VPS13B: variants seen among roughly 807,000 people sequenced by gnomAD.
The protein encoded by VPS13B is intermembrane lipid transfer protein VPS13B.
Under a neutral mutation model 426.4 loss-of-function variants are expected in VPS13B, and 285 were observed. The observed-to-expected ratio is 0.67, with a 90% confidence interval of 0.61 to 0.74. The LOEUF (loss-of-function observed/expected upper bound fraction) is 0.74, where lower values mean the gene tolerates loss of function less well. VPS13B is among the 30% of genes least tolerant of loss of function. VPS13B has a pLI of 0.00. For synonymous variants in VPS13B, 1,676 were observed against 1,676.4 expected, an observed-to-expected ratio of 1.00 and a Z score of 0.01; for missense variants, 4,537 against 4,782.6, an observed-to-expected ratio of 0.95 and a Z score of 1.51.
At chr8:99,553,076 G>C (rs11992778) in intron 30 of VPS13B, among the ~76,000 whole-genome samples, 3 of 152,120 alleles carry the variant, frequency 2.0e-5, no homozygotes, top group African/African-American at 7.2e-5. Flanking sequence ...CATCATTTGC[G>C]TGAGCCCTGA....
At chr8:99,086,943 C>A (rs1258517668) in intron 3 of VPS13B, among the ~76,000 whole-genome samples, 1 of 152,182 alleles carries the variant, frequency 6.6e-6, no homozygotes, top group Non-Finnish European at 1.5e-5. Flanking sequence ...GTTCTCAGAT[C>A]TGCAGCTGTG....
chr8:99,544,599 A>G lies in VPS13B; in HGVS notation c.4746-11851A>G, dbSNP rs183032842. ...ATTTAATATATTGATTGAATTGTGG[A>G]AAGAATTCTACCTACCGCTTTTTGC... On this transcript the variant is annotated intron_variant, in intron 30 of 61. Coordinates refer to ENST00000357162, the MANE Select transcript of VPS13B (RefSeq NM_152564.5). 6.2e-3 allele frequency among the ~76,000 whole-genome samples: 951 copies of G among 152,296 alleles called. 8 individuals are homozygous for G. Among genetic ancestry groups the G allele is most frequent in the African/African-American group, 0.021 (893 of 41,568 alleles).
intron 16 of VPS13B, 76 bp downstream of exon 16, chr8:99,170,239 G>A: frequency 6.5e-7 from 1 of 1,534,528 alleles, no homozygotes; most frequent in Admixed American, 1.8e-5. Flanking sequence ...AAATGTATCT[G>A]TCTTATGCCC....
In VPS13B at chr8:99,737,103, CTTCTTT is replaced by C. The variant is rs1171465505; in HGVS notation, c.7050+16059_7050+16064del. On this transcript the variant is annotated intron_variant, in intron 39 of 61. Coordinates refer to ENST00000357162, the MANE Select transcript of VPS13B (RefSeq NM_152564.5). ...TTTCAGGAAAGCCTTTGAAGATGTCCTTCTTTTTTTTTTTTTTTTTTTTTTTTTTTT... is the reference window on the plus strand; with the variant it reads ...TTTCAGGAAAGCCTTTGAAGATGTCCTTTTTTTTTTTTTTTTTTTTTTTTT... 4.7e-3 allele frequency among the ~76,000 whole-genome samples: 238 copies of C among 50,658 alleles called. 1 individual carries two copies. Among genetic ancestry groups the C allele is most frequent in the African/African-American group, 0.02 (227 of 11,612 alleles). 33.2% of individuals were successfully genotyped at this position (50,658 alleles called of 152,430 possible). A position where few individuals can be genotyped will look rare whatever the true frequency, so the allele number is the denominator to read the frequency against.
At chr8:99,771,481 G>A (rs1811486235) in intron 40 of VPS13B, among the ~76,000 whole-genome samples, 1 of 152,064 alleles carries the variant, frequency 6.6e-6, no homozygotes, top group Non-Finnish European at 1.5e-5. Context: ...ACTCCCTTAA[G>A]GTCTCATAAA....
intron 33 of VPS13B, among the ~76,000 whole-genome samples, chr8:99,624,007 A>ATATTTTTTTT (rs1206203704): frequency 9.9e-6 from 1 of 101,102 alleles, no homozygotes; most frequent in African/African-American, 4.4e-5. Flanking sequence ...ATATATATAT[A>ATATTTTTTTT]TTTTTTTTTT....
At chr8:99,440,240 G>C (rs577500235) in intron 22 of VPS13B, among the ~76,000 whole-genome samples, 1 of 152,198 alleles carries the variant, frequency 6.6e-6, no homozygotes, top group East Asian at 1.9e-4. Flanking sequence ...TCATGAATAG[G>C]ATATTTTTTT....
chr8:99,871,361 G>A (rs1158640026), intron 60 of VPS13B, 87 bp from the exon 61 acceptor site: 5 of 1,602,590 alleles, frequency 3.1e-6, no homozygotes, highest in African/African-American at 1.3e-5. Context: ...CCCTTGTGGA[G>A]GTTGCCCCAT....
At chr8:99,416,931 C>G (rs1448070826) in intron 21 of VPS13B, among the ~76,000 whole-genome samples, 1 of 152,148 alleles carries the variant, frequency 6.6e-6, no homozygotes, top group Non-Finnish European at 1.5e-5. Flanking sequence ...AAATGATAAT[C>G]ATAGTATTTA....
intron 3 of VPS13B, among the ~76,000 whole-genome samples, chr8:99,068,734 T>TAA (rs1460766868): frequency 1.3e-5 from 2 of 152,130 alleles, no homozygotes; most frequent in African/African-American, 4.8e-5. Context: ...TGCCACACTT[T>TAA]AAAGGCCATT....
chr8:99,638,825 A>T (rs2133924362), intron 33 of VPS13B, among the ~76,000 whole-genome samples: 1 of 152,304 alleles, frequency 6.6e-6, no homozygotes, highest in East Asian at 1.9e-4. Context: ...TATCGTAACA[A>T]TCATGTAACT....
At chr8:99,382,021 G>C (rs989791300) in intron 19 of VPS13B, among the ~76,000 whole-genome samples, 4 of 151,998 alleles carry the variant, frequency 2.6e-5, no homozygotes, top group African/African-American at 4.8e-5. Flanking sequence ...CTAAGGAAGA[G>C]GTCCAGTTTC....
chr8:99,831,076 C>CTTTTTTTTTTTTTTTTTTTT (rs773817774), intron 51 of VPS13B, among the ~76,000 whole-genome samples: 4 of 120,076 alleles, frequency 3.3e-5, no homozygotes, highest in Non-Finnish European at 5.1e-5. Context: ...GTGTTTTTTT[C>CTTTTTTTTTTTTTTTTTTTT]TTTTTTTTTT....
intron 35 of VPS13B, among the ~76,000 whole-genome samples, chr8:99,674,075 A>G (rs1467087074): frequency 6.6e-6 from 1 of 152,020 alleles, no homozygotes; most frequent in Non-Finnish European, 1.5e-5. Flanking sequence ...TTTTGGATGG[A>G]ACATTCTGTA....
intron 3 of VPS13B, among the ~76,000 whole-genome samples, chr8:99,081,796 A>AT (rs1845479829): frequency 6.6e-6 from 1 of 151,922 alleles, no homozygotes; most frequent in South Asian, 2.1e-4. Context: ...TTAACTCATC[A>AT]TTTTTTATGG....
chr8:99,628,558 A>C (rs1828708251), intron 33 of VPS13B, among the ~76,000 whole-genome samples: 1 of 152,308 alleles, frequency 6.6e-6, no homozygotes, highest in African/African-American at 2.4e-5. Flanking sequence ...AGCAGTGGAC[A>C]AGACTAATTA....
At chr8:99,641,758 A>C in intron 33 of VPS13B, 53 bp from the exon 34 acceptor site, 1 of 1,517,972 alleles carries the variant, frequency 6.6e-7, no homozygotes, top group Non-Finnish European at 9.0e-7. Flanking sequence ...CATTGTTTAT[A>C]TGACACTTGG....
At chr8:99,135,216 T>C in intron 10 of VPS13B, 79 bp downstream of exon 10, 1 of 1,565,974 alleles carries the variant, frequency 6.4e-7, no homozygotes, top group African/African-American at 1.4e-5. Flanking sequence ...AACCATATAA[T>C]ATCTGTTAGA....
chr8:99,817,575 C>G lies in VPS13B; in HGVS notation c.8133C>G (p.Tyr2711Ter), dbSNP rs373542052. Residue 2711 changes from tyrosine (Y) to a stop codon, truncating the protein, a stop_gained, in exon 45 of 62, where the codon TAC (tyrosine) becomes TAG (stop). Transcript: ENST00000357162. LOFTEE classifies it high-confidence loss of function. ...GTGGAAGACAGATCATCTGTAGTTACTTGTCTCAAAGCATAGAACTAAAAG... is the reference window on the plus strand; with the variant it reads ...GTGGAAGACAGATCATCTGTAGTTAGTTGTCTCAAAGCATAGAACTAAAAG... Reference protein sequence around the residue: ...IICGRQIICSYLSQSIELKVV... With the variant: ...IICGRQIICS The G allele has an allele frequency of 1.2e-6, 2 of 1,614,026 alleles. No homozygotes were observed. Among genetic ancestry groups the G allele is most frequent in the Non-Finnish European group, 1.7e-6 (2 of 1,179,958 alleles).
Sources: allele counts gnomAD v4.1 joint callset (sites outside exome capture counted in the v4.1 genomes callset), GRCh38; gene constraint gnomAD v4.1.1; transcripts MANE v1.5; gene names NCBI Gene and HGNC (gene_info 2026-07-23, HGNC 2026-07-21).